NCALD: variants seen among roughly 807,000 people sequenced by gnomAD.
NCALD encodes the protein neurocalcin delta, also known as neurocalcin-delta.
In NCALD, 10 loss-of-function variants were observed where a neutral mutation model predicts 18.6. The observed-to-expected ratio is 0.54, with a 90% CI of 0.33 to 0.91. The LOEUF (loss-of-function observed/expected upper bound fraction) is 0.91. NCALD is among the 40% of genes least tolerant of loss of function. NCALD has a pLI of 0.03. For missense variants in NCALD, 184 were observed against 247.6 expected, an observed-to-expected ratio of 0.74 and a Z score of 1.72; for synonymous variants, 88 against 87.4, an observed-to-expected ratio of 1.01 and a Z score of -0.04.
intron 2 of NCALD, among the ~76,000 whole-genome samples, chr8:102,012,852 C>A (rs548718993): frequency 6.6e-6 from 1 of 152,270 alleles, no homozygotes; most frequent in South Asian, 2.1e-4. Context: ...TTTCTCAGCT[C>A]CCATAGCAGA....
At chr8:102,099,334 G>C (rs1165204035) in intron 1 of NCALD, among the ~76,000 whole-genome samples, 2 of 152,188 alleles carry the variant, frequency 1.3e-5, no homozygotes, top group African/African-American at 2.4e-5. Flanking sequence ...AGTATCTTTA[G>C]AGAATGGGGA....
In NCALD at chr8:102,034,501, C is replaced by A. The variant is rs375214426; in HGVS notation, c.-209-14212G>T. On this transcript the variant is annotated intron_variant, in intron 1 of 6. Coordinates refer to the NCALD transcript ENST00000311028. The stretch of plus-strand genomic sequence containing the variant: ...ACTGTGCCTAACAGTGTATCGCCAA[C>A]ACAAATTCATATTCATCCTTATACC... 2.0e-4 allele frequency among the ~76,000 whole-genome samples: 31 copies of A among 152,286 alleles called. 1 individual carries two copies. The South Asian group carries it at 6.4e-3, about 32-fold the overall frequency.
intron 2 of NCALD, among the ~76,000 whole-genome samples, chr8:101,937,096 A>G (rs1818791156): frequency 6.6e-6 from 1 of 152,200 alleles, no homozygotes; most frequent in African/African-American, 2.4e-5. Context: ...ATAAACCATT[A>G]AATGATCCTA....
chr8:102,013,272 C>G (rs758723298), intron 2 of NCALD, among the ~76,000 whole-genome samples: 5 of 152,174 alleles, frequency 3.3e-5, no homozygotes, highest in Non-Finnish European at 5.9e-5. Context: ...TTTTCTTTTC[C>G]ATGAAAGAAG....
At chr8:101,733,968 G>A (rs1816960714) in intron 1 of NCALD, among the ~76,000 whole-genome samples, 5 of 152,192 alleles carry the variant, frequency 3.3e-5, no homozygotes. Flanking sequence ...AGGAGGCTGT[G>A]GCTCTGTATA....
In NCALD at chr8:101,719,387, G is replaced by C; in HGVS notation, c.243C>G (p.Asp81Glu). Residue 81 changes from aspartate (D) to glutamate (E), a missense_variant, in exon 2 of 4, where the codon GAC becomes GAG. Physicochemically the swap from Asp to Glu is conservative, Grantham distance 45. Coordinates refer to ENST00000220931, the MANE Select transcript of NCALD (RefSeq NM_032041.3). ...TCAAGGCGATGATGAATTCTCTAAA[G>C]TCTATTGTCCCATCTCCATTTGCAT... ...TFDANGDGTI[D>E]FREFIIALSV... is the part of the protein sequence containing the mutation. The C allele has an allele frequency of 6.2e-7, 1 of 1,614,212 alleles. No individual in the cohort carries two copies. The highest frequency in any genetic ancestry group is 8.5e-7 in the Non-Finnish European group (1 of 1,180,046).
chr8:101,946,347 A>G (rs1286792169), intron 2 of NCALD, among the ~76,000 whole-genome samples: 3 of 152,226 alleles, frequency 2.0e-5, no homozygotes, highest in Non-Finnish European at 4.4e-5. Flanking sequence ...AGGAATTTAC[A>G]ATGTAGCCAG....
At chr8:101,845,021 T>C (rs1367774855) in intron 4 of NCALD, among the ~76,000 whole-genome samples, 1 of 152,174 alleles carries the variant, frequency 6.6e-6, no homozygotes, top group Non-Finnish European at 1.5e-5. Context: ...TTAATGTTTG[T>C]TAAAGAAATG....
intron 1 of NCALD, among the ~76,000 whole-genome samples, chr8:101,735,342 C>T (rs993644727): frequency 6.6e-6 from 1 of 152,122 alleles, no homozygotes; most frequent in Non-Finnish European, 1.5e-5. Context: ...GCTCCTACCA[C>T]TTTACCAAGC....
At chr8:101,854,476 C>G (rs868392637) in intron 4 of NCALD, among the ~76,000 whole-genome samples, 8 of 152,136 alleles carry the variant, frequency 5.3e-5, no homozygotes, top group African/African-American at 1.9e-4. Context: ...CTTTTTCTCT[C>G]CTACTTGCTG....
chr8:102,033,269 A>C (rs1822745897), intron 1 of NCALD, among the ~76,000 whole-genome samples: 1 of 152,150 alleles, frequency 6.6e-6, no homozygotes, highest in African/African-American at 2.4e-5. Context: ...GAATGATGGA[A>C]TCACCTACTG....
intron 3 of NCALD, chr8:101,692,238 G>T: frequency 1.0e-6 from 1 of 985,374 alleles, no homozygotes. Context: ...CACCATCAGG[G>T]TGGGAACCTG....
Position 101,810,402 on chromosome 8 carries a change from A to T in NCALD, c.-20+76739T>A, listed in dbSNP as rs111856008. 5.7e-3 allele frequency among the ~76,000 whole-genome samples: 866 copies of T among 152,304 alleles called. 10 individuals are homozygous for T. Among genetic ancestry groups the T allele is most frequent in the African/African-American group, 0.018 (762 of 41,566 alleles). ...AGAGCTACTCTCTATAATTAAGGAG[A>T]ATAATTAAGAAATGTGCTATTTAAG... On this transcript the variant is annotated intron_variant, in intron 4 of 6. Transcript: ENST00000311028.
chr8:102,071,305 T>C (rs1014561500), intron 1 of NCALD, among the ~76,000 whole-genome samples: 6 of 152,208 alleles, frequency 3.9e-5, no homozygotes, highest in African/African-American at 1.4e-4. Context: ...AGTATCCTTT[T>C]TCTTGGTATT....
chr8:101,948,858 A>G (rs980834859), intron 2 of NCALD, among the ~76,000 whole-genome samples: 3 of 152,184 alleles, frequency 2.0e-5, no homozygotes, highest in Non-Finnish European at 4.4e-5. Context: ...CCTGGGCCTC[A>G]GTTTCCCTCA....
rs118031037 is a variant in NCALD, at chr8:101,878,383, T to A, written c.-20+8758A>T. On this transcript the variant is annotated intron_variant, in intron 4 of 6. Transcript: ENST00000311028. The stretch of plus-strand genomic sequence containing the variant: ...TGATTCTCATTTTCAGAAACACAAT[T>A]TCAGACTGTTCAAGAGTTTCAATGT... Among the ~76,000 whole-genome samples the A allele has an allele frequency of 1.0e-3, 155 of 152,378 alleles. 5 individuals are homozygous for A. The East Asian group carries it at 0.028, about 27-fold the overall frequency.
intron 2 of NCALD, among the ~76,000 whole-genome samples, chr8:101,992,247 C>T (rs912788900): frequency 6.6e-6 from 1 of 152,190 alleles, no homozygotes; most frequent in Admixed American, 6.5e-5. Flanking sequence ...CCCCCATTTC[C>T]TCTTTCCTTT....
chr8:101,919,572 C>CG (rs1818090785), intron 2 of NCALD, among the ~76,000 whole-genome samples: 1 of 151,800 alleles, frequency 6.6e-6, no homozygotes, highest in Non-Finnish European at 1.5e-5. Context: ...GCAAAAGAAA[C>CG]TATCAACAGA....
At chr8:102,069,432 G>C (rs532001778) in intron 1 of NCALD, among the ~76,000 whole-genome samples, 1 of 152,294 alleles carries the variant, frequency 6.6e-6, no homozygotes, top group East Asian at 1.9e-4. Context: ...ATGCTGATGA[G>C]AGTATCAATT....
Sources: allele counts gnomAD v4.1 joint callset (sites outside exome capture counted in the v4.1 genomes callset), GRCh38; gene constraint gnomAD v4.1.1; transcripts MANE v1.5; gene names NCBI Gene and HGNC (gene_info 2026-07-23, HGNC 2026-07-21).